Variants in STK3 observed in about 807,000 individuals in gnomAD.
The protein encoded by STK3 is serine/threonine-protein kinase 3.
In STK3, 41 loss-of-function variants were observed where a neutral mutation model predicts 58.0. That is an observed-to-expected ratio of 0.71 (90% CI 0.55 to 0.92). STK3 has a LOEUF of 0.92. Among genes scored for constraint, STK3 ranks in the 40% least tolerant of loss-of-function variants. STK3 has a pLI of 0.00. For missense variants in STK3, 479 were observed against 602.7 expected, an observed-to-expected ratio of 0.79 and a Z score of 2.15; for synonymous variants, 170 against 191.0, an observed-to-expected ratio of 0.89 and a Z score of 0.91.
At chr8:98,731,659 C>T (rs1338967312) in intron 4 of STK3, among the ~76,000 whole-genome samples, 1 of 149,976 alleles carries the variant, frequency 6.7e-6, no homozygotes, top group East Asian at 2.0e-4. Flanking sequence ...GGAGGCAGAG[C>T]TTGCAGTAAG....
chr8:98,674,895 G>T (rs1024644705), intron 6 of STK3, among the ~76,000 whole-genome samples: 5 of 151,828 alleles, frequency 3.3e-5, no homozygotes, highest in African/African-American at 1.2e-4. Flanking sequence ...AGTTCCTGTC[G>T]GGAATGGTAA....
At chr8:98,623,682 G>A (rs943941606) in intron 6 of STK3, among the ~76,000 whole-genome samples, 2 of 152,210 alleles carry the variant, frequency 1.3e-5, no homozygotes, top group African/African-American at 4.8e-5. Flanking sequence ...TACTCAGGAG[G>A]CTGAGGTGGA....
At position 98,832,360 on chromosome 8, in the gene STK3, G is replaced by T. The variant is rs371569563; in HGVS notation, c.110+51287C>A. 2.6e-5 allele frequency among the ~76,000 whole-genome samples: 4 copies of T among 151,592 alleles called. No homozygotes were observed. In the East Asian group the frequency reaches 7.7e-4, roughly 29 times the overall value. ...TATATATGTCCCATGTTCACTTTGGGGTGGAGATTTAACATTTACATGCAT... is the reference window on the plus strand; with the variant it reads ...TATATATGTCCCATGTTCACTTTGGTGTGGAGATTTAACATTTACATGCAT... On this transcript the variant is annotated intron_variant, in intron 3 of 12. Transcript: ENST00000523601.
chr8:98,858,323 T>TATATATATATATATAGAGAG (rs1189807446), intron 3 of STK3, among the ~76,000 whole-genome samples: 2 of 16,270 alleles, frequency 1.2e-4, no homozygotes, highest in African/African-American at 2.3e-4. Flanking sequence ...TATATATATA[T>TATATATATATATATAGAGAG]AGAGAGAGAG....
At chr8:98,796,518 G>A (rs996554573) in intron 1 of STK3, among the ~76,000 whole-genome samples, 6 of 152,036 alleles carry the variant, frequency 3.9e-5, no homozygotes, top group Non-Finnish European at 1.5e-5. Context: ...AGGAATCCCA[G>A]AAGAAAAAAG....
intron 7 of STK3, among the ~76,000 whole-genome samples, chr8:98,588,971 G>C (rs1318270384): frequency 1.4e-5 from 2 of 146,438 alleles, no homozygotes; most frequent in Non-Finnish European, 3.0e-5. Context: ...GCACTTCTCT[G>C]TATTGGTTAT....
At chr8:98,377,943 C>T (rs1232461552) in intron 2 of STK3, among the ~76,000 whole-genome samples, 5 of 152,146 alleles carry the variant, frequency 3.3e-5, no homozygotes, top group African/African-American at 9.7e-5. Context: ...GTGGGGAAGC[C>T]GTGAATGCAG....
chr8:98,828,437 CAAAAAAAAAAAAA>C (rs367737626), upstream of STK3, among the ~76,000 whole-genome samples: 15 of 48,586 alleles, frequency 3.1e-4, no homozygotes, highest in Admixed American at 9.5e-4. Context: ...CCCATCTCTA[CAAAAAAAAAAAAA>C]AAAAAAAAAA....
intron 6 of STK3, among the ~76,000 whole-genome samples, chr8:98,660,045 A>G (rs1213640348): frequency 6.6e-6 from 1 of 152,006 alleles, no homozygotes; most frequent in Non-Finnish European, 1.5e-5. Flanking sequence ...CGATGAATGG[A>G]TAAACAAAAC....
At chr8:98,426,465 C>A (rs1160859946) in intron 3 of STK3, among the ~76,000 whole-genome samples, 1 of 152,196 alleles carries the variant, frequency 6.6e-6, no homozygotes, top group East Asian at 1.9e-4. Context: ...ACAGAGCTCC[C>A]GACCAGAACT....
At position 98,858,319 on chromosome 8, in the gene STK3, T is replaced by TAGAGAG. The variant is rs1244395276; in HGVS notation, c.110+25327_110+25328insCTCTCT. ...ATATATATATATATATATATATATATATATAGAGAGAGAGAGAGAGAGAGA... is the reference window on the plus strand; with the variant it reads ...ATATATATATATATATATATATATATAGAGAGATATAGAGAGAGAGAGAGAGAGAGA... On this transcript the variant is annotated intron_variant, in intron 3 of 12. Coordinates refer to the STK3 transcript ENST00000523601. Among the ~76,000 whole-genome samples, 366 of 39,878 alleles carry TAGAGAG rather than the reference T, an allele frequency of 9.2e-3. 2 individuals carry two copies. Among genetic ancestry groups the TAGAGAG allele is most frequent in the Middle Eastern group, 0.018 (1 of 56 alleles). 26.2% of individuals were successfully genotyped at this position (39,878 alleles called of 152,430 possible).
At chr8:98,554,178 T>G (rs1811423878) in intron 8 of STK3, among the ~76,000 whole-genome samples, 1 of 152,156 alleles carries the variant, frequency 6.6e-6, no homozygotes, top group Non-Finnish European at 1.5e-5. Context: ...CCCATTTAAC[T>G]CATACTACAG....
At chr8:98,563,796 T>C (rs1034334084) in intron 8 of STK3, among the ~76,000 whole-genome samples, 5 of 152,070 alleles carry the variant, frequency 3.3e-5, no homozygotes, top group South Asian at 2.1e-4. Flanking sequence ...TAAATAAACA[T>C]AGTAGTATTG....
chr8:98,926,268 C>T (rs1405696791), intron 1 of STK3, among the ~76,000 whole-genome samples: 1 of 152,148 alleles, frequency 6.6e-6, no homozygotes, highest in Non-Finnish European at 1.5e-5. Context: ...TCCTAGATCA[C>T]ATTTGCAGCT....
intron 3 of STK3, among the ~76,000 whole-genome samples, chr8:98,411,671 A>G (rs1337429841): frequency 1.3e-5 from 2 of 152,196 alleles, no homozygotes; most frequent in Admixed American, 1.3e-4. Flanking sequence ...ATAAAACACA[A>G]GTTACTTACT....
intron 1 of STK3, among the ~76,000 whole-genome samples, chr8:98,916,900 AGTC>A (rs1839365912): frequency 1.3e-5 from 2 of 152,230 alleles, no homozygotes; most frequent in Non-Finnish European, 2.9e-5. Context: ...TAGGTTAGTC[AGTC>A]CTTTTTGATG....
At chr8:98,920,925 A>G (rs1387352523) in intron 1 of STK3, among the ~76,000 whole-genome samples, 1 of 152,254 alleles carries the variant, frequency 6.6e-6, no homozygotes, top group African/African-American at 2.4e-5. Flanking sequence ...AAAAAAGCCT[A>G]ATTGTAATAC....
At chr8:98,869,342 G>C (rs1327796480) in intron 3 of STK3, among the ~76,000 whole-genome samples, 1 of 152,108 alleles carries the variant, frequency 6.6e-6, no homozygotes, top group Admixed American at 6.5e-5. Context: ...AATCGCTTGA[G>C]CCCGGGAGGC....
intron 9 of STK3, among the ~76,000 whole-genome samples, chr8:98,533,307 T>C (rs959304291): frequency 2.0e-5 from 3 of 152,230 alleles, no homozygotes; most frequent in African/African-American, 7.2e-5. Flanking sequence ...TTAATATCTA[T>C]CCAGAGGCCT....
Sources: allele counts gnomAD v4.1 joint callset (sites outside exome capture counted in the v4.1 genomes callset), GRCh38; gene constraint gnomAD v4.1.1; transcripts MANE v1.5; gene names NCBI Gene and HGNC (gene_info 2026-07-23, HGNC 2026-07-21).